DDR2: variants seen among roughly 807,000 people sequenced by gnomAD.
DDR2 encodes the protein discoidin domain-containing receptor 2.
In DDR2, 27 loss-of-function variants were observed where a neutral mutation model predicts 94.9. The observed-to-expected ratio is 0.28, with a 90% CI of 0.21 to 0.39. DDR2 has a LOEUF of 0.39. Among genes scored for constraint, DDR2 ranks in the 10% least tolerant of loss-of-function variants. The probability of loss-of-function intolerance (pLI) is 1.00; values close to 1 mark genes in which losing one functional copy is unlikely to be tolerated. For synonymous variants in DDR2, 382 were observed against 377.2 expected (o/e 1.01, Z -0.15); for missense variants, 783 against 1,076.0 (o/e 0.73, Z 3.81).
At position 162,678,281 on chromosome 1, in the gene DDR2, T is replaced by C. The variant is rs138879672; in HGVS notation, c.-28+22907T>C. Reference sequence around the variant, plus strand: ...TTTTTGAACTTAGTTTACTGATACATAAATTAGTGATAATAATAATTCCTG... The same window carrying C: ...TTTTTGAACTTAGTTTACTGATACACAAATTAGTGATAATAATAATTCCTG... On this transcript the variant is annotated intron_variant, in intron 2 of 17. Transcript: ENST00000367921. Among the ~76,000 whole-genome samples, 507 of 152,292 alleles carry C rather than the reference T, an allele frequency of 3.3e-3. 1 individual carries two copies. The highest frequency in any genetic ancestry group is 5.0e-3 in the Admixed American group (76 of 15,286).
chr1:162,656,805 T>C (rs1329400487), intron 2 of DDR2, among the ~76,000 whole-genome samples: 2 of 150,694 alleles, frequency 1.3e-5, no homozygotes, highest in African/African-American at 2.4e-5. Flanking sequence ...AAACTATCAC[T>C]GTGGTCTTTT....
intron 3 of DDR2, among the ~76,000 whole-genome samples, chr1:162,749,340 C>G (rs1219898731): frequency 1.3e-5 from 2 of 152,188 alleles, no homozygotes; most frequent in Non-Finnish European, 2.9e-5. Context: ...ACTGATCCCA[C>G]AGAATTACAA....
chr1:162,698,718 G>A lies in DDR2; in HGVS notation c.-27-20319G>A, dbSNP rs368776881. Among the ~76,000 whole-genome samples the A allele has an allele frequency of 2.0e-5, 3 of 152,140 alleles. No individual in the cohort carries two copies. In the East Asian group the frequency reaches 5.8e-4, roughly 29 times the overall value. ...GGAATGTTTCTACCAACAGAAGCTG[G>A]CCAGTGGGAGGCTTGTAGGCACTTT... is the stretch of plus-strand genomic sequence containing the variant. On this transcript the variant is annotated intron_variant, in intron 2 of 17. Transcript: ENST00000367921.
In DDR2 at chr1:162,656,833, G is replaced by GT. The variant is rs761726921; in HGVS notation, c.-28+1475dup. Among the ~76,000 whole-genome samples the GT allele has an allele frequency of 5.9e-3, 389 of 65,612 alleles. 27 individuals are homozygous for GT. The highest frequency in any genetic ancestry group is 0.018 in the African/African-American group (364 of 20,432). 43.0% of individuals were successfully genotyped at this position (65,612 alleles called of 152,430 possible). ...GGTCTTTTCTTCCCCTGCCACTGGA[G>GT]TTTTTTTTTTTTTTTTATTTTTTTT... On this transcript the variant is annotated intron_variant, in intron 2 of 17. Coordinates refer to ENST00000367921, the MANE Select transcript of DDR2 (RefSeq NM_006182.4).
At chr1:162,700,835 T>G (rs914115705) in intron 2 of DDR2, among the ~76,000 whole-genome samples, 6 of 152,200 alleles carry the variant, frequency 3.9e-5, no homozygotes. Context: ...AGTTCATGTC[T>G]TAAAACCGCT....
chr1:162,698,581 T>C (rs921948767), intron 2 of DDR2, among the ~76,000 whole-genome samples: 1 of 152,176 alleles, frequency 6.6e-6, no homozygotes, highest in Non-Finnish European at 1.5e-5. Flanking sequence ...TGGGTTGAAA[T>C]CTAGCACTAT....
intron 3 of DDR2, among the ~76,000 whole-genome samples, chr1:162,730,968 G>A (rs1440013272): frequency 6.6e-6 from 1 of 152,130 alleles, no homozygotes; most frequent in Non-Finnish European, 1.5e-5. Context: ...TGCTCCAAAT[G>A]GGCAAATGGC....
intron 2 of DDR2, among the ~76,000 whole-genome samples, chr1:162,679,232 T>C (rs192241459): frequency 7.9e-5 from 12 of 152,214 alleles, no homozygotes; most frequent in South Asian, 6.2e-4. Flanking sequence ...GAGTCTGTTG[T>C]TCCACTCCTA....
intron 1 of DDR2, among the ~76,000 whole-genome samples, chr1:162,633,879 TTTGA>T (rs1181302240): frequency 3.2e-4 from 49 of 152,236 alleles, no homozygotes; most frequent in African/African-American, 1.2e-3. Flanking sequence ...TCATACATAA[TTTGA>T]TTGACTCTCA....
intron 1 of DDR2, among the ~76,000 whole-genome samples, chr1:162,636,101 G>A (rs1379044861): frequency 6.6e-6 from 1 of 152,066 alleles, no homozygotes; most frequent in African/African-American, 2.4e-5. Flanking sequence ...CTATTATTAA[G>A]CCTGCATTAT....
In DDR2 at chr1:162,741,250, AATGTAATGTAATG is replaced by A. The variant is rs1558057517; in HGVS notation, c.83-11844_83-11832del. On this transcript the variant is annotated intron_variant, in intron 3 of 17. Transcript: ENST00000367921. ...AATATAATATAATATAATATAGTAT[AATGTAATGTAATG>A]TAATATAATATAATATAATATAATA... is the stretch of plus-strand genomic sequence containing the variant. 3.7e-3 allele frequency among the ~76,000 whole-genome samples: 347 copies of A among 94,770 alleles called. 3 individuals carry two copies. The highest frequency in any genetic ancestry group is 0.013 in the African/African-American group (333 of 26,480). The allele number at this position is 94,770 out of a possible 152,430, so 62.2% of individuals were successfully genotyped here.
At chr1:162,710,591 T>G (rs141465132) in intron 2 of DDR2, among the ~76,000 whole-genome samples, 1 of 152,198 alleles carries the variant, frequency 6.6e-6, no homozygotes, top group South Asian at 2.1e-4. Flanking sequence ...AAAACTGCTC[T>G]TCATATTTGT....
rs765562219 is a variant in DDR2 at position 162,775,834 on chromosome 1, G to A, written c.2039G>A (p.Arg680His). ...EPPNSSSSDV[R>H]TVSYTNLKFM... ...CCTAATTCTTCCTCCAGCGATGTAC[G>A]CACTGTCAGGTAAACAAGCCAGGTC... The change falls in exon 15 of 18, where the codon CGC becomes CAC. Residue 680 changes from arginine to histidine, a missense_variant. Transcript: ENST00000367921. 20 of 1,613,880 alleles carry A rather than the reference G, an allele frequency of 1.2e-5. 1 individual carries two copies. The South Asian group carries it at 2.1e-4, about 17-fold the overall frequency.
chr1:162,766,066 A>G lies in DDR2; in HGVS notation c.1162+3A>G. 1 of 1,613,862 alleles carries G rather than the reference A, an allele frequency of 6.2e-7. No homozygotes were observed. Among genetic ancestry groups the G allele is most frequent in the South Asian group, 1.1e-5 (1 of 91,070 alleles). On this transcript the variant is annotated splice_donor_region_variant and intron_variant, in intron 10 of 17. Coordinates refer to ENST00000367921, the MANE Select transcript of DDR2 (RefSeq NM_006182.4). ...TCCTATGGCACCCACAACCTATGGT[A>G]TATGTGATTCCTAATTACACAAATT...
intron 2 of DDR2, among the ~76,000 whole-genome samples, chr1:162,691,563 G>A (rs1315928534): frequency 6.6e-6 from 1 of 152,236 alleles, no homozygotes; most frequent in African/African-American, 2.4e-5. Context: ...CTTGGTGACA[G>A]CAATATAGAG....
At chr1:162,762,670 T>G (rs2102159509) in intron 9 of DDR2, among the ~76,000 whole-genome samples, 1 of 152,358 alleles carries the variant, frequency 6.6e-6, no homozygotes, top group Middle Eastern at 3.4e-3. Context: ...CATACGTGAC[T>G]TATCTTCCCC....
chr1:162,780,082 T>A lies in DDR2; in HGVS notation c.2434-30T>A, dbSNP rs767146898. The A allele has an allele frequency of 2.2e-5, 36 of 1,613,458 alleles. 1 individual carries two copies. In the South Asian group the frequency reaches 4.0e-4, roughly 18 times the overall value. ...TTGTAATATTCTCTCTCTCTCTCTC[T>A]TTTGTTTTCCTTTATTTTTGTTCCC... On this transcript the variant is annotated intron_variant, in intron 17 of 17. Transcript: ENST00000367921.
In DDR2 at chr1:162,783,242, G is replaced by C. The variant is rs1350221314; in HGVS notation, c.*2996G>C. 1 of 152,198 alleles carries C rather than the reference G, an allele frequency of 6.6e-6. No homozygotes were observed. Among genetic ancestry groups the C allele is most frequent in the Non-Finnish European group, 1.5e-5 (1 of 68,034 alleles). The allele number at this position is 152,198 out of a possible 1,614,324, so 9.4% of individuals were successfully genotyped here. ...GGCTAATGTGCTGATAGCCAGGTCT[G>C]AAACTTGATGTGCTATCCAGACACA... On this transcript the variant is annotated 3_prime_UTR_variant, in exon 18 of 18. Coordinates refer to ENST00000367921, the MANE Select transcript of DDR2 (RefSeq NM_006182.4).
At chr1:162,673,914 C>G (rs1023799248) in intron 2 of DDR2, among the ~76,000 whole-genome samples, 1 of 152,050 alleles carries the variant, frequency 6.6e-6, no homozygotes, top group Non-Finnish European at 1.5e-5. Context: ...AGGGTCCTGG[C>G]CCCTTTTTCT....
Sources: gnomAD v4.1 joint callset for allele counts (sites outside exome capture counted in the v4.1 genomes callset) on GRCh38, gnomAD v4.1.1 for gene constraint, MANE v1.5 for transcripts, NCBI Gene and HGNC (gene_info 2026-07-23, HGNC 2026-07-21) for gene names.